ANKRD62: variants seen among roughly 807,000 people sequenced by gnomAD.
The protein encoded by ANKRD62 is ankyrin repeat domain-containing protein 62.
A neutral mutation model predicts 98.8 loss-of-function variants in ANKRD62; 61 were observed. The observed-to-expected ratio is 0.62, with a 90% confidence interval of 0.50 to 0.76. The LOEUF (loss-of-function observed/expected upper bound fraction) is 0.76. Ranked by LOEUF, ANKRD62 falls within the 30% of genes least tolerant of loss-of-function variation. ANKRD62 has a pLI of 0.00. For synonymous variants in ANKRD62, 341 were observed against 367.9 expected, an observed-to-expected ratio of 0.93 and a Z score of 0.84; for missense variants, 933 against 1,082.9, an observed-to-expected ratio of 0.86 and a Z score of 1.94.
intron 10 of ANKRD62, among the ~76,000 whole-genome samples, chr18:12,118,268 A>G (rs1316995887): frequency 2.0e-5 from 3 of 152,130 alleles, no homozygotes; most frequent in Non-Finnish European, 4.4e-5. Flanking sequence ...CCATATCCAT[A>G]GTTTTACATT....
At chr18:12,141,320 G>A in the ANKRD62 span, among the ~76,000 whole-genome samples, 22 of 152,282 alleles carry the variant, frequency 1.4e-4, no homozygotes, top group South Asian at 4.1e-4. Context: ...GTGATGCCTC[G>A]CCCTGCTTCA....
the ANKRD62 span, among the ~76,000 whole-genome samples, chr18:12,174,382 G>C: frequency 6.6e-6 from 1 of 152,068 alleles, no homozygotes; most frequent in Non-Finnish European, 1.5e-5. Context: ...TGACTATTTT[G>C]TCTGTCAGCT....
intron 10 of ANKRD62, among the ~76,000 whole-genome samples, chr18:12,117,109 A>G (rs1421470294): frequency 2.6e-5 from 4 of 152,194 alleles, no homozygotes; most frequent in African/African-American, 7.2e-5. Context: ...CTTCAATCTT[A>G]CTGAACTCAC....
intron 10 of ANKRD62, 117 bp downstream of exon 10, chr18:12,115,651 T>C (rs1909648631): frequency 1.1e-6 from 1 of 911,814 alleles, no homozygotes; most frequent in Non-Finnish European, 1.5e-6. Flanking sequence ...ATCTCGGAAA[T>C]ATCCTTCTTG....
At chr18:12,129,771 AG>A (rs1483253307), downstream of ANKRD62, 26 of 146,420 alleles carry the variant, frequency 1.8e-4, no homozygotes, top group African/African-American at 6.5e-4. Flanking sequence ...AAAAAAAAAA[AG>A]TAATAGGTCG....
rs1433637836 is a variant in ANKRD62, at chr18:12,129,196, A to G, written c.*1257A>G. ...ATATAAATGCTTACTATAATTTCCT[A>G]TGTTTCCCCATTTTACCAATTTTGT... On this transcript the variant is annotated 3_prime_UTR_variant, in exon 14 of 14. Coordinates refer to ENST00000587848, the MANE Select transcript of ANKRD62 (RefSeq NM_001277333.2). The G allele has an allele frequency of 6.6e-6, 1 of 152,250 alleles. No homozygotes were observed. Among genetic ancestry groups the G allele is most frequent in the Non-Finnish European group, 1.5e-5 (1 of 68,042 alleles). 9.4% of individuals were successfully genotyped at this position (152,250 alleles called of 1,614,324 possible).
At chr18:12,106,339 A>G (rs555818414) in intron 7 of ANKRD62, among the ~76,000 whole-genome samples, 8 of 152,314 alleles carry the variant, frequency 5.3e-5, no homozygotes, top group Non-Finnish European at 1.2e-4. Context: ...ATTTCGGTAC[A>G]TCGAGTTTTA....
In ANKRD62 at chr18:12,125,599, T is replaced by C. The variant is rs1467287890; in HGVS notation, c.1778T>C (p.Ile593Thr). 4 of 1,526,792 alleles carry C rather than the reference T, an allele frequency of 2.6e-6. No homozygotes were observed. The highest frequency in any genetic ancestry group is 2.4e-5 in the East Asian group (1 of 40,872). The allele number at this position is 1,526,792 out of a possible 1,614,324, so 94.6% of individuals were successfully genotyped here. Residue 593 changes from isoleucine to threonine, a missense_variant, in exon 13 of 14, where the codon ATT becomes ACT. Ile to Thr is a moderately conservative substitution (Grantham distance 89). Coordinates refer to ENST00000587848, the MANE Select transcript of ANKRD62 (RefSeq NM_001277333.2). ...ACTGAAAATAAATATTTCAAAGATA[T>C]TGAAATTATAAAGGAAAACAATGAA... ...QETENKYFKDIEIIKENNEDL... is the reference protein window; with the variant it reads ...QETENKYFKDTEIIKENNEDL...
At chr18:12,137,538 G>A in the ANKRD62 span, among the ~76,000 whole-genome samples, 2 of 152,250 alleles carry the variant, frequency 1.3e-5, no homozygotes, top group South Asian at 4.1e-4. Flanking sequence ...GCCAGGCTTT[G>A]GTATCAGGAT....
chr18:12,096,258 G>A lies in ANKRD62; in HGVS notation c.570G>A (p.Leu190=). Residue 190 remains leucine (L), a synonymous_variant, in exon 4 of 14, where the codon TTG becomes TTA. Transcript: ENST00000587848. ...NRKKEQMVAF[L]LKKKPDLTAI... is the part of the protein sequence containing the mutation. ...AAAAAGAGCAAATGGTGGCATTTTT[G>A]TTGAAGAAAAAACCAGATTTAACTG... The A allele has an allele frequency of 2.0e-6, 3 of 1,535,206 alleles. No individual in the cohort carries two copies. Among genetic ancestry groups the A allele is most frequent in the African/African-American group, 1.4e-5 (1 of 73,098 alleles).
the ANKRD62 span, among the ~76,000 whole-genome samples, chr18:12,157,312 C>T: frequency 5.3e-3 from 802 of 152,252 alleles, 3 homozygotes; most frequent in Non-Finnish European, 8.2e-3. Context: ...CAAGTAACCA[C>T]GACCATGATC....
chr18:12,115,952 C>T (rs1909655362), intron 10 of ANKRD62, among the ~76,000 whole-genome samples: 1 of 152,148 alleles, frequency 6.6e-6, no homozygotes. Flanking sequence ...GCTTGCTTAA[C>T]ACCCAACTGC....
chr18:12,146,143 T>C, the ANKRD62 span, among the ~76,000 whole-genome samples: 1 of 151,626 alleles, frequency 6.6e-6, no homozygotes, highest in African/African-American at 2.4e-5. Flanking sequence ...GCAGCACGGC[T>C]GTTCTATGAA....
the ANKRD62 span, among the ~76,000 whole-genome samples, chr18:12,157,536 A>G: frequency 6.6e-6 from 1 of 152,054 alleles, no homozygotes; most frequent in African/African-American, 2.4e-5. Flanking sequence ...ATATGATGTA[A>G]TATCCTTTGA....
chr18:12,150,558 G>A, the ANKRD62 span, among the ~76,000 whole-genome samples: 775 of 152,264 alleles, frequency 5.1e-3, 4 homozygotes, highest in African/African-American at 0.017. Context: ...GAGGGAAAGG[G>A]CAGGTCACCT....
chr18:12,141,137 G>T, the ANKRD62 span, among the ~76,000 whole-genome samples: 1 of 152,236 alleles, frequency 6.6e-6, no homozygotes, highest in Non-Finnish European at 1.5e-5. Context: ...CTCTGTGGGC[G>T]TAGGACTCTC....
Position 12,126,314 on chromosome 18 carries a change from G to A in ANKRD62, c.2493G>A (p.Gly831=), listed in dbSNP as rs1445679490. 2 of 1,533,046 alleles carry A rather than the reference G, an allele frequency of 1.3e-6. No homozygotes were observed. Among genetic ancestry groups the A allele is most frequent in the African/African-American group, 1.4e-5 (1 of 72,642 alleles). 95.0% of individuals were successfully genotyped at this position (1,533,046 alleles called of 1,614,324 possible). ...GAAAGCTAGAAGAGAACAATAAGGG[G>A]TTGATGAAGGAATGCACTCTTTTAA... The part of the protein sequence containing the change: ...ECRKLEENNK[G]LMKECTLLKE... The change falls in exon 13 of 14, where the codon GGG becomes GGA. Residue 831 remains glycine (G), a synonymous_variant. Coordinates refer to ENST00000587848, the MANE Select transcript of ANKRD62 (RefSeq NM_001277333.2).
intron 1 of ANKRD62, 28 bp downstream of exon 1, chr18:12,094,263 G>A (rs757088748): frequency 6.6e-7 from 1 of 1,505,614 alleles, no homozygotes; most frequent in Non-Finnish European, 8.8e-7. Context: ...CCGGGAGGAG[G>A]CCTGGGGATA....
the ANKRD62 span, among the ~76,000 whole-genome samples, chr18:12,145,322 T>C: frequency 6.6e-6 from 1 of 152,102 alleles, no homozygotes; most frequent in African/African-American, 2.4e-5. Context: ...CTCGAAAAAA[T>C]GCAATGGCTA....
Sources: gnomAD v4.1 joint callset for allele counts (sites outside exome capture counted in the v4.1 genomes callset) on GRCh38, gnomAD v4.1.1 for gene constraint, MANE v1.5 for transcripts, NCBI Gene and HGNC (gene_info 2026-07-23, HGNC 2026-07-21) for gene names.